Variants in HACL2 observed in about 807,000 individuals in gnomAD.
HACL2 encodes 2-hydroxyacyl-CoA lyase 2.
At chr19:15,123,773 T>C in the HACL2 span, 8 of 595,522 alleles carry the variant, frequency 1.3e-5, no homozygotes, top group Non-Finnish European at 2.1e-5. The surrounding 1 kb of genome is among the most constrained non-coding windows in gnomAD (Gnocchi z 5.1). Flanking sequence ...GATCCTCTTG[T>C]CATTACATCC....
the HACL2 span, chr19:15,116,528 G>C: frequency 1.2e-6 from 2 of 1,609,236 alleles, no homozygotes; most frequent in South Asian, 2.2e-5. Flanking sequence ...ATCTCCTGGG[G>C]AAGGAAGAGG....
the HACL2 span, chr19:15,123,195 G>A: frequency 5.6e-6 from 9 of 1,613,988 alleles, no homozygotes; most frequent in African/African-American, 2.7e-5. The surrounding 1 kb of genome is among the most constrained non-coding windows in gnomAD (Gnocchi z 5.1). Context: ...CGCAGTCACC[G>A]TGTTGGTGAG....
chr19:15,125,673 G>A, the HACL2 span: 1 of 152,520 alleles, frequency 6.6e-6, no homozygotes, highest in Admixed American at 6.5e-5. Context: ...TCCAGGATAT[G>A]GCGCTGCCTC....
At chr19:15,123,383 C>A in the HACL2 span, 8 of 1,613,216 alleles carry the variant, frequency 5.0e-6, no homozygotes, top group Non-Finnish European at 6.8e-6. This position sits in a 1 kb window ranked among gnomAD's most constrained non-coding sequence, Gnocchi z 5.1. Context: ...ACCGGACAGG[C>A]GGGCCATAGC....
At chr19:15,115,764 G>C in the HACL2 span, 1 of 1,571,908 alleles carries the variant, frequency 6.4e-7, no homozygotes, top group Non-Finnish European at 8.8e-7. Context: ...CTGCCAGAGA[G>C]GAGGCTCCCT....
chr19:15,123,041 CAG>C, the HACL2 span: 49 of 1,606,976 alleles, frequency 3.0e-5, no homozygotes, highest in African/African-American at 6.4e-4. This position sits in a 1 kb window ranked among gnomAD's most constrained non-coding sequence, Gnocchi z 5.1. Context: ...CTGGCAAAGA[CAG>C]AGGTGTGGCA....
chr19:15,116,423 T>A, the HACL2 span: 1 of 1,614,004 alleles, frequency 6.2e-7, no homozygotes, highest in Non-Finnish European at 8.5e-7. Flanking sequence ...GGTCTGCTCC[T>A]TCTGCCGGTC....
chr19:15,123,541 G>A, the HACL2 span: 12 of 1,613,936 alleles, frequency 7.4e-6, no homozygotes, highest in African/African-American at 2.7e-5. The surrounding 1 kb of genome is among the most constrained non-coding windows in gnomAD (Gnocchi z 5.1). Flanking sequence ...CAGCGGCCAC[G>A]TTCTCTCCGC....
At chr19:15,116,371 G>A in the HACL2 span, 1 of 1,613,718 alleles carries the variant, frequency 6.2e-7, no homozygotes, top group Non-Finnish European at 8.5e-7. Flanking sequence ...GGTCTGCCGG[G>A]AACCCCCTTC....
chr19:15,117,116 T>A, the HACL2 span: 33 of 157,640 alleles, frequency 2.1e-4, no homozygotes, highest in South Asian at 5.9e-4. Context: ...CCAACACAGA[T>A]GCAACGGTGC....
the HACL2 span, chr19:15,123,541 G>T: frequency 6.2e-7 from 1 of 1,613,820 alleles, no homozygotes; most frequent in Admixed American, 1.7e-5. This position sits in a 1 kb window ranked among gnomAD's most constrained non-coding sequence, Gnocchi z 5.1. Flanking sequence ...CAGCGGCCAC[G>T]TTCTCTCCGC....
chr19:15,122,924 G>A, the HACL2 span: 10 of 1,607,550 alleles, frequency 6.2e-6, no homozygotes, highest in Non-Finnish European at 8.5e-6. The surrounding 1 kb of genome is among the most constrained non-coding windows in gnomAD (Gnocchi z 4.0). Flanking sequence ...AGCCATCGCG[G>A]CCCTCAGGGT....
At chr19:15,116,659 A>T in the HACL2 span, 1 of 663,530 alleles carries the variant, frequency 1.5e-6, no homozygotes, top group Non-Finnish European at 2.6e-6. Context: ...TGCTCCTAGA[A>T]AAAAAACAGG....
At chr19:15,123,142 C>A in the HACL2 span, 1 of 1,613,998 alleles carries the variant, frequency 6.2e-7, no homozygotes, top group Non-Finnish European at 8.5e-7. This position sits in a 1 kb window ranked among gnomAD's most constrained non-coding sequence, Gnocchi z 5.1. Flanking sequence ...GCAGCCCCAC[C>A]CAGAAGCAGG....
the HACL2 span, among the ~76,000 whole-genome samples, chr19:15,122,064 A>AT: frequency 0.013 from 1,862 of 147,394 alleles, 43 homozygotes; most frequent in South Asian, 0.045. The surrounding 1 kb of genome is among the most constrained non-coding windows in gnomAD (Gnocchi z 4.0). Flanking sequence ...CGCCCGGCTA[A>AT]TTTTTTTTTT....
At chr19:15,123,522 C>T in the HACL2 span, 3 of 1,614,162 alleles carry the variant, frequency 1.9e-6, no homozygotes. The surrounding 1 kb of genome is among the most constrained non-coding windows in gnomAD (Gnocchi z 5.1). Context: ...ACACCATGGG[C>T]CCTCAGCACA....
At chr19:15,123,532 A>G in the HACL2 span, 3 of 1,613,964 alleles carry the variant, frequency 1.9e-6, no homozygotes, top group Non-Finnish European at 1.7e-6. This position sits in a 1 kb window ranked among gnomAD's most constrained non-coding sequence, Gnocchi z 5.1. Flanking sequence ...CCCTCAGCAC[A>G]GCGGCCACGT....
chr19:15,115,777 C>T, the HACL2 span: 1 of 1,573,912 alleles, frequency 6.4e-7, no homozygotes, highest in East Asian at 2.2e-5. Context: ...GGCTCCCTCC[C>T]CACCTCAGCC....
chr19:15,116,193 T>C, the HACL2 span: 20 of 1,613,804 alleles, frequency 1.2e-5, no homozygotes, highest in Non-Finnish European at 1.6e-5. Context: ...CTGTACCAGA[T>C]GGGCAGCAGT....
Sources: gnomAD v4.1 joint callset for allele counts (sites outside exome capture counted in the v4.1 genomes callset) on GRCh38, gnomAD v4.1.1 for gene constraint, Gnocchi (gnomAD v3.1) non-coding constraint, MANE v1.5 for transcripts, NCBI Gene and HGNC (gene_info 2026-07-23, HGNC 2026-07-21) for gene names.